The following SYN2 variants were observed in gnomAD, a reference collection of about 807,000 sequenced individuals.
SYN2 encodes the protein synapsin II, also known as synapsin-2.
Under a neutral mutation model 50.9 loss-of-function variants are expected in SYN2, and 19 were observed. That is an observed-to-expected ratio of 0.37 (90% confidence interval 0.26 to 0.55). The LOEUF (loss-of-function observed/expected upper bound fraction) is 0.55, where lower values mean the gene tolerates loss of function less well. Ranked by LOEUF, SYN2 falls within the 20% of genes least tolerant of loss-of-function variation. SYN2 has a pLI of 0.81. For missense variants in SYN2, 587 were observed against 576.4 expected (o/e 1.02, Z -0.19); for synonymous variants, 255 against 224.9 (o/e 1.13, Z -1.20).
intron 10 of SYN2, 57 bp downstream of exon 10, chr3:12,169,963 C>T: frequency 6.5e-7 from 1 of 1,530,704 alleles, no homozygotes; most frequent in Non-Finnish European, 8.8e-7. Context: ...GCCCACTCCT[C>T]TAGATGTTGA....
intron 1 of SYN2, among the ~76,000 whole-genome samples, chr3:12,020,338 C>T (rs1361022641): frequency 7.0e-6 from 1 of 142,900 alleles, no homozygotes; most frequent in East Asian, 2.3e-4. Flanking sequence ...CCTGGCCCCC[C>T]ACATAATTAG....
chr3:12,066,735 C>T (rs922071004), intron 1 of SYN2, among the ~76,000 whole-genome samples: 27 of 152,252 alleles, frequency 1.8e-4, no homozygotes, highest in African/African-American at 4.8e-4. Context: ...GTTCAAGAAC[C>T]TCTTTACAAG....
chr3:12,113,320 A>T (rs1696364932), intron 1 of SYN2, among the ~76,000 whole-genome samples: 1 of 152,142 alleles, frequency 6.6e-6, no homozygotes. Context: ...GTTATATATG[A>T]TTTACATTTT....
At chr3:12,081,796 T>C (rs1455834019) in intron 1 of SYN2, among the ~76,000 whole-genome samples, 1 of 152,226 alleles carries the variant, frequency 6.6e-6, no homozygotes, top group Non-Finnish European at 1.5e-5. Flanking sequence ...TTGTAATCTC[T>C]TTTCCCACTT....
At chr3:12,180,209 A>C (rs1423224055) in intron 10 of SYN2, among the ~76,000 whole-genome samples, 4 of 150,538 alleles carry the variant, frequency 2.7e-5, no homozygotes. Flanking sequence ...TCGGCCTCCC[A>C]CAGTGTTGGG....
At chr3:12,075,531 A>G (rs902629190) in intron 1 of SYN2, among the ~76,000 whole-genome samples, 4 of 152,154 alleles carry the variant, frequency 2.6e-5, no homozygotes, top group African/African-American at 9.6e-5. Context: ...GAAGAATGAA[A>G]TAACCTGCAG....
chr3:12,032,495 C>T (rs1379216421), intron 1 of SYN2, among the ~76,000 whole-genome samples: 1 of 66,950 alleles, frequency 1.5e-5, no homozygotes, highest in African/African-American at 6.4e-5. Context: ...TGGTTCCATT[C>T]TCCGCATCAC....
At chr3:12,136,068 C>T (rs902066897) in intron 1 of SYN2, among the ~76,000 whole-genome samples, 3 of 151,916 alleles carry the variant, frequency 2.0e-5, no homozygotes, top group Admixed American at 1.3e-4. Flanking sequence ...ATTAGACAAC[C>T]GACTTTGAAA....
At chr3:12,167,602 C>CTT (rs376215814) in intron 8 of SYN2, among the ~76,000 whole-genome samples, 2 of 146,508 alleles carry the variant, frequency 1.4e-5, no homozygotes, top group African/African-American at 2.5e-5. Context: ...CAAAATAAAC[C>CTT]TTTTTTTTTT....
At chr3:12,033,947 G>A (rs543489204) in intron 1 of SYN2, among the ~76,000 whole-genome samples, 12 of 152,198 alleles carry the variant, frequency 7.9e-5, no homozygotes, top group African/African-American at 2.6e-4. Context: ...GGACATTTGG[G>A]TTGTTTTCAC....
At chr3:12,130,860 G>A (rs1310165682) in intron 1 of SYN2, among the ~76,000 whole-genome samples, 1 of 152,202 alleles carries the variant, frequency 6.6e-6, no homozygotes. Flanking sequence ...AAATCAACAG[G>A]TTTCATTCGG....
intron 1 of SYN2, among the ~76,000 whole-genome samples, chr3:12,054,920 A>G (rs576419898): frequency 8.6e-4 from 131 of 152,294 alleles, no homozygotes; most frequent in African/African-American, 3.0e-3. Flanking sequence ...TTCAAAATTT[A>G]GAAAAGTACT....
chr3:12,097,344 T>A (rs1251784527), intron 1 of SYN2, among the ~76,000 whole-genome samples: 1 of 151,988 alleles, frequency 6.6e-6, no homozygotes, highest in Non-Finnish European at 1.5e-5. Context: ...CGGTGGCTAA[T>A]GCTTGTAATC....
At chr3:12,093,906 G>T (rs1048812702) in intron 1 of SYN2, among the ~76,000 whole-genome samples, 4 of 147,342 alleles carry the variant, frequency 2.7e-5, no homozygotes, top group Non-Finnish European at 5.9e-5. Flanking sequence ...GCCCAGGCTA[G>T]AGTGCAGTGG....
chr3:12,163,408 C>A (rs1697704697), intron 7 of SYN2, among the ~76,000 whole-genome samples: 1 of 150,486 alleles, frequency 6.6e-6, no homozygotes, highest in African/African-American at 2.4e-5. Context: ...TCTTCTCTTA[C>A]CCCCCCTTTT....
At chr3:12,103,398 T>C (rs1696117049) in intron 1 of SYN2, among the ~76,000 whole-genome samples, 1 of 152,182 alleles carries the variant, frequency 6.6e-6, no homozygotes, top group African/African-American at 2.4e-5. Flanking sequence ...TAATAATACA[T>C]AATTATGGAA....
chr3:12,154,050 A>G (rs190669203), intron 5 of SYN2, among the ~76,000 whole-genome samples: 6 of 152,346 alleles, frequency 3.9e-5, no homozygotes, highest in Admixed American at 3.9e-4. Context: ...AAACATTTAC[A>G]GTAAATTTAC....
In SYN2 at chr3:12,168,415, C is replaced by T. The variant is rs187362673; in HGVS notation, c.1095C>T (p.Gly365=). The T allele has an allele frequency of 4.2e-5, 67 of 1,613,838 alleles. No individual in the cohort carries two copies. The African/African-American group carries it at 4.3e-4, about 10-fold the overall frequency. ...LWVDTCSEMF[G]GLDICAVKAV... is the part of the protein sequence containing the mutation. Reference sequence around the variant, plus strand: ...TGGACACCTGCTCTGAGATGTTTGGCGGCCTGGACATCTGTGCTGTCAAAG... The same window carrying T: ...TGGACACCTGCTCTGAGATGTTTGGTGGCCTGGACATCTGTGCTGTCAAAG... Residue 365 remains glycine (G), a synonymous_variant, in exon 9 of 13, where the codon GGC becomes GGT. Transcript: ENST00000621198.
At chr3:12,126,082 AG>A (rs764412608) in intron 1 of SYN2, among the ~76,000 whole-genome samples, 10 of 152,212 alleles carry the variant, frequency 6.6e-5, no homozygotes, top group Non-Finnish European at 1.3e-4. Flanking sequence ...TCTTGGCCTC[AG>A]GCTTTTAGCT....
Sources: allele counts gnomAD v4.1 joint callset (sites outside exome capture counted in the v4.1 genomes callset), GRCh38; gene constraint gnomAD v4.1.1; transcripts MANE v1.5; gene names NCBI Gene and HGNC (gene_info 2026-07-23, HGNC 2026-07-21).